FBXO38: variants seen among roughly 807,000 people sequenced by gnomAD.
FBXO38 encodes F-box protein 38.
Under a neutral mutation model 131.9 loss-of-function variants are expected in FBXO38, and 53 were observed. The ratio of observed to expected loss-of-function variants is 0.40; its 90% CI spans 0.32 to 0.51. The LOEUF (loss-of-function observed/expected upper bound fraction) is 0.51. Ranked by LOEUF, FBXO38 falls within the 20% of genes least tolerant of loss-of-function variation. The probability of loss-of-function intolerance (pLI) is 0.53; values close to 1 mark genes in which losing one functional copy is unlikely to be tolerated. For synonymous variants in FBXO38, 452 were observed against 505.6 expected (o/e 0.89, Z 1.42); for missense variants, 1,076 against 1,475.6 (o/e 0.73, Z 4.44).
Position 148,417,061 on chromosome 5 carries a change from A to G in FBXO38, c.1475A>G (p.Gln492Arg), listed in dbSNP as rs369925979. The G allele has an allele frequency of 2.5e-6, 4 of 1,613,774 alleles. No homozygotes were observed. Among genetic ancestry groups the G allele is most frequent in the African/African-American group, 1.3e-5 (1 of 75,032 alleles). Reference sequence around the variant, plus strand: ...GTTTCATCAGCTCTTGTTAGCAACCAGAACTCCAACAATGACGATAATAAT... The same window carrying G: ...GTTTCATCAGCTCTTGTTAGCAACCGGAACTCCAACAATGACGATAATAAT... ...IGVSSALVSN[Q>R]NSNNDDNNAQ... is the part of the protein sequence containing the mutation. The change falls in exon 12 of 22, where the codon CAG becomes CGG. Residue 492 changes from glutamine (Q) to arginine (R), a missense_variant. By Grantham distance (43) the Gln-to-Arg change is conservative (BLOSUM62 1). Around this residue, in one of 8 missense-constraint regions of FBXO38, gnomAD observed 212 missense variants for 221.2 expected, o/e 0.96. Transcript: ENST00000340253.
intron 12 of FBXO38, among the ~76,000 whole-genome samples, chr5:148,423,456 C>T (rs576942858): frequency 2.6e-5 from 4 of 152,322 alleles, no homozygotes; most frequent in South Asian, 4.1e-4. Flanking sequence ...TACTGCTACT[C>T]ATAATTGTTA....
At chr5:148,407,134 C>T (rs527921031) in intron 7 of FBXO38, among the ~76,000 whole-genome samples, 15 of 152,234 alleles carry the variant, frequency 9.9e-5, no homozygotes, top group Non-Finnish European at 1.9e-4. Context: ...TTTTGTCAGT[C>T]AAGTGTGGTA....
At position 148,438,389 on chromosome 5, in the gene FBXO38, G is replaced by A. The variant is rs770314457; in HGVS notation, c.2915G>A (p.Arg972Gln). ...GTAGAAAATGCACCAATTGTAAACC[G>A]ATTTGACTATGCACAGTGCAAGAAA... is the stretch of plus-strand genomic sequence containing the variant. Reference protein sequence around the residue: ...LKVENAPIVNRFDYAQCKKLN... With the variant: ...LKVENAPIVNQFDYAQCKKLN... Residue 972 changes from arginine (R) to glutamine (Q), a missense_variant, in exon 18 of 22, where the codon CGA (arginine) becomes CAA (glutamine). Physicochemically the swap from Arg to Gln is conservative, Grantham distance 43 (BLOSUM62 1). Coordinates refer to ENST00000340253, the MANE Select transcript of FBXO38 (RefSeq NM_205836.3). 23 of 1,613,914 alleles carry A rather than the reference G, an allele frequency of 1.4e-5. No homozygotes were observed. The highest frequency in any genetic ancestry group is 1.8e-5 in the Non-Finnish European group (21 of 1,179,884).
intron 13 of FBXO38, among the ~76,000 whole-genome samples, chr5:148,424,814 G>A (rs983215887): frequency 8.5e-5 from 13 of 152,164 alleles, no homozygotes; most frequent in African/African-American, 2.9e-4. Context: ...TTTATTGAGT[G>A]CCTACTCTGT....
chr5:148,394,627 G>T, intron 1 of FBXO38, 87 bp from the exon 2 acceptor site: 4 of 493,626 alleles, frequency 8.1e-6, no homozygotes, highest in Non-Finnish European at 1.4e-5. Flanking sequence ...ACCTCTGCTT[G>T]TGTGTGTTTG....
chr5:148,397,503 ATGTGT>A (rs1243347211), intron 2 of FBXO38: 1 of 152,212 alleles, frequency 6.6e-6, no homozygotes, highest in Non-Finnish European at 1.5e-5. Context: ...TGTTTATAAA[ATGTGT>A]TGTCATGTTT....
intron 9 of FBXO38, chr5:148,413,673 A>C (rs1253836938): frequency 1.3e-5 from 2 of 152,792 alleles, no homozygotes; most frequent in African/African-American, 4.8e-5. Flanking sequence ...AACCAGTGCC[A>C]TGGGTTCTAA....
chr5:148,427,556 C>T lies in FBXO38; in HGVS notation c.2262C>T (p.Pro754=), dbSNP rs753849076. 26 of 1,614,164 alleles carry T rather than the reference C, an allele frequency of 1.6e-5. No individual in the cohort carries two copies. Among genetic ancestry groups the T allele is most frequent in the Middle Eastern group, 1.7e-4 (1 of 6,060 alleles). ...VDVSRQCACS[P]GGSEDSEAME... is the part of the protein sequence containing the mutation. ...TGTCCAGGCAGTGTGCCTGCTCCCC[C>T]GGTGGGTCAGAGGACTCTGAGGCCA... is the stretch of plus-strand genomic sequence containing the variant. The change falls in exon 15 of 22, where the codon CCC becomes CCT. Residue 754 remains proline (P), a synonymous_variant. Transcript: ENST00000340253.
chr5:148,426,807 G>A (rs1753736029), intron 14 of FBXO38, among the ~76,000 whole-genome samples: 1 of 152,170 alleles, frequency 6.6e-6, no homozygotes, highest in Non-Finnish European at 1.5e-5. Context: ...TACAACTACA[G>A]TTGCTTTGGG....
chr5:148,409,318 A>G, intron 8 of FBXO38, 101 bp downstream of exon 8: 1 of 759,262 alleles, frequency 1.3e-6, no homozygotes, highest in Non-Finnish European at 2.3e-6. Flanking sequence ...ATGTGTGTAC[A>G]TTTGATCAAG....
chr5:148,435,434 G>A (rs909995167), intron 17 of FBXO38, among the ~76,000 whole-genome samples: 5 of 152,192 alleles, frequency 3.3e-5, no homozygotes, highest in Admixed American at 2.6e-4. Context: ...AGCTTTCAAC[G>A]TGACTTCCTC....
intron 12 of FBXO38, among the ~76,000 whole-genome samples, 193 bp downstream of exon 12, chr5:148,417,397 C>T (rs1249949862): frequency 6.6e-6 from 1 of 152,064 alleles, no homozygotes; most frequent in Non-Finnish European, 1.5e-5. Flanking sequence ...CTGCTTTTAT[C>T]CACAGACCCT....
chr5:148,429,795 T>G (rs1280998780), intron 15 of FBXO38, among the ~76,000 whole-genome samples: 1 of 152,214 alleles, frequency 6.6e-6, no homozygotes, highest in East Asian at 1.9e-4. Flanking sequence ...TGTTATTTTT[T>G]GCCTTGTGTT....
intron 1 of FBXO38, among the ~76,000 whole-genome samples, chr5:148,392,814 TG>T (rs1321442464): frequency 3.9e-5 from 6 of 152,000 alleles, no homozygotes; most frequent in African/African-American, 1.5e-4. Flanking sequence ...ATGGGTCAGA[TG>T]GGGAAGCACT....
intron 9 of FBXO38, 119 bp downstream of exon 9, chr5:148,410,884 G>C: frequency 1.2e-6 from 1 of 864,114 alleles, no homozygotes; most frequent in Non-Finnish European, 1.7e-6. Context: ...AATCTTAGGT[G>C]CTCTCACGTC....
Position 148,417,095 on chromosome 5 carries a change from T to A in FBXO38, c.1509T>A (p.Asn503Lys). 1 of 1,613,532 alleles carries A rather than the reference T, an allele frequency of 6.2e-7. No homozygotes were observed. Among genetic ancestry groups the A allele is most frequent in the Non-Finnish European group, 8.5e-7 (1 of 1,179,542 alleles). ...NSNNDDNNAQNNNANIHDNNH... is the reference protein window; with the variant it reads ...NSNNDDNNAQKNNANIHDNNH... ...ACAATGACGATAATAATGCCCAGAATAACAATGCCAACATCCACGACAACA... is the reference window on the plus strand; with the variant it reads ...ACAATGACGATAATAATGCCCAGAAAAACAATGCCAACATCCACGACAACA... Residue 503 changes from asparagine to lysine, a missense_variant, in exon 12 of 22, where the codon AAT becomes AAA. Asn to Lys is a moderately conservative substitution (Grantham distance 94). Coordinates refer to ENST00000340253, the MANE Select transcript of FBXO38 (RefSeq NM_205836.3).
chr5:148,435,768 T>A (rs1466614103), intron 17 of FBXO38, among the ~76,000 whole-genome samples: 1 of 152,060 alleles, frequency 6.6e-6, no homozygotes, highest in Non-Finnish European at 1.5e-5. Context: ...AGACTCCATC[T>A]CAAAAAAATA....
At chr5:148,410,597 T>C in intron 8 of FBXO38, 38 bp from the exon 9 acceptor site, 1 of 1,608,906 alleles carries the variant, frequency 6.2e-7, no homozygotes, top group Non-Finnish European at 8.5e-7. Context: ...CTGATGGTTT[T>C]TGTTTTACTC....
rs780971684 is a variant in FBXO38, at chr5:148,415,959, C to T, written c.1296C>T (p.Ile432=). 1.2e-6 allele frequency: 2 copies of T among 1,613,514 alleles called. No individual in the cohort carries two copies. The highest frequency in any genetic ancestry group is 2.7e-5 in the African/African-American group (2 of 74,880). The change falls in exon 11 of 22, where the codon ATC becomes ATT. Residue 432 remains isoleucine, a synonymous_variant. Coordinates refer to ENST00000340253, the MANE Select transcript of FBXO38 (RefSeq NM_205836.3). Reference sequence around the variant, plus strand: ...CAAGATGGACTCGATTGGTTGATATCAACCTAGTACGGTGCCATGCTTTGA... The same window carrying T: ...CAAGATGGACTCGATTGGTTGATATTAACCTAGTACGGTGCCATGCTTTGA... The part of the protein sequence containing the change: ...DHSRWTRLVD[I]NLVRCHALKL...
Sources: allele counts gnomAD v4.1 joint callset (sites outside exome capture counted in the v4.1 genomes callset), GRCh38; gene constraint gnomAD v4.1.1; regional missense constraint gnomAD v4.1.1; transcripts MANE v1.5; gene names NCBI Gene and HGNC (gene_info 2026-07-23, HGNC 2026-07-21).